DNAH12: variants seen among roughly 807,000 people sequenced by gnomAD.
The protein encoded by DNAH12 is dynein axonemal heavy chain 12.
Under a neutral mutation model 371.5 loss-of-function variants are expected in DNAH12, and 285 were observed. The ratio of observed to expected loss-of-function variants is 0.77; its 90% CI spans 0.70 to 0.85. DNAH12 has a LOEUF of 0.85. DNAH12 is among the 40% of genes least tolerant of loss of function. The probability of loss-of-function intolerance (pLI) is 0.00; values close to 1 mark genes in which losing one functional copy is unlikely to be tolerated. For synonymous variants in DNAH12, 1,200 were observed against 1,213.0 expected, an observed-to-expected ratio of 0.99 and a Z score of 0.22; for missense variants, 3,611 against 3,689.4, an observed-to-expected ratio of 0.98 and a Z score of 0.55.
intron 55 of DNAH12, among the ~76,000 whole-genome samples, chr3:57,374,622 T>C (rs1365222274): frequency 3.3e-5 from 5 of 152,100 alleles, no homozygotes; most frequent in Non-Finnish European, 5.9e-5. Context: ...ACAAGTACAT[T>C]GTATAGCCAG....
At chr3:57,523,723 A>G in intron 3 of DNAH12, 80 bp downstream of exon 3, 1 of 1,334,062 alleles carries the variant, frequency 7.5e-7, no homozygotes, top group Non-Finnish European at 1.0e-6. Flanking sequence ...TTTTAAAAAC[A>G]TCAGTTATAT....
At chr3:57,324,661 T>C (rs962943204) in intron 62 of DNAH12, among the ~76,000 whole-genome samples, 3 of 152,166 alleles carry the variant, frequency 2.0e-5, no homozygotes, top group Admixed American at 6.5e-5. Context: ...AGGGGTGATT[T>C]CTGCATTTCC....
chr3:57,501,370 T>G lies in DNAH12; in HGVS notation c.1286A>C (p.Asn429Thr). 1 of 1,596,538 alleles carries G rather than the reference T, an allele frequency of 6.3e-7. No individual in the cohort carries two copies. The highest frequency in any genetic ancestry group is 8.5e-7 in the Non-Finnish European group (1 of 1,175,358). The change falls in exon 11 of 74, where the codon AAT becomes ACT. Residue 429 changes from asparagine (N) to threonine (T), a missense_variant. Physicochemically the swap from Asn to Thr is moderately conservative, Grantham distance 65. Coordinates refer to ENST00000495027, the MANE Select transcript of DNAH12 (RefSeq NM_001366028.2). ...ATCTTCTGTCTGAAAAGTCTCTATA[T>G]TCTCAACTGCAGTCCCATCAAGGAG... The part of the protein sequence containing the change: ...NWLLDGTAVE[N>T]IETFQTEDHT...
intron 43 of DNAH12, among the ~76,000 whole-genome samples, chr3:57,400,129 A>T (rs2063826810): frequency 6.6e-6 from 1 of 152,196 alleles, no homozygotes; most frequent in Non-Finnish European, 1.5e-5. Flanking sequence ...CTCTACAAAA[A>T]ATACAAAAAT....
intron 16 of DNAH12, among the ~76,000 whole-genome samples, chr3:57,469,463 C>T (rs2066303802): frequency 6.6e-6 from 1 of 152,262 alleles, no homozygotes; most frequent in East Asian, 1.9e-4. Context: ...CCATTTGACC[C>T]AGCAATCCCA....
chr3:57,304,007 T>A (rs1383873529), intron 69 of DNAH12, among the ~76,000 whole-genome samples: 1 of 152,090 alleles, frequency 6.6e-6, no homozygotes, highest in Non-Finnish European at 1.5e-5. Context: ...TGAAATTCCT[T>A]TTCCTGGCTC....
chr3:57,420,957 TACC>T (rs2064560223), intron 36 of DNAH12, among the ~76,000 whole-genome samples: 1 of 151,810 alleles, frequency 6.6e-6, no homozygotes, highest in African/African-American at 2.4e-5. Flanking sequence ...ATGCTTGTGT[TACC>T]ACCTCTTTTT....
rs782540974 is a variant in DNAH12, at chr3:57,413,698, A to G, written c.6020+48T>C. Reference sequence around the variant, plus strand: ...TTATTTTACTTTAAAAACCTAAAATAAAAACTGAGGTATAACTTCAGCATA... The same window carrying G: ...TTATTTTACTTTAAAAACCTAAAATGAAAACTGAGGTATAACTTCAGCATA... On this transcript the variant is annotated intron_variant, in intron 39 of 73. Coordinates refer to ENST00000495027, the MANE Select transcript of DNAH12 (RefSeq NM_001366028.2). 6.0e-6 allele frequency: 9 copies of G among 1,499,784 alleles called. No homozygotes were observed. In the African/African-American group the frequency reaches 7.1e-5, roughly 12 times the overall value. 92.9% of individuals were successfully genotyped at this position (1,499,784 alleles called of 1,614,324 possible).
intron 39 of DNAH12, among the ~76,000 whole-genome samples, chr3:57,410,539 C>G (rs1171208414): frequency 2.6e-5 from 4 of 152,092 alleles, no homozygotes; most frequent in African/African-American, 9.7e-5. Context: ...ATCCTCCAGG[C>G]CGGGTGTGGT....
At chr3:57,415,916 G>A (rs2064361451) in intron 37 of DNAH12, among the ~76,000 whole-genome samples, 1 of 151,080 alleles carries the variant, frequency 6.6e-6, no homozygotes, top group South Asian at 2.1e-4. Flanking sequence ...AGCCTCCCAA[G>A]TAGCTGGGAC....
At chr3:57,502,812 TG>T (rs2067603287) in intron 9 of DNAH12, among the ~76,000 whole-genome samples, 1 of 152,188 alleles carries the variant, frequency 6.6e-6, no homozygotes, top group East Asian at 1.9e-4. Flanking sequence ...CCCAAAGTCC[TG>T]GGATTACAGG....
At chr3:57,403,943 T>G (rs1461670993) in intron 42 of DNAH12, among the ~76,000 whole-genome samples, 1 of 152,172 alleles carries the variant, frequency 6.6e-6, no homozygotes. Context: ...TTCACTCTCC[T>G]TAGACTAGAA....
chr3:57,416,251 A>T (rs2064372531), intron 37 of DNAH12, among the ~76,000 whole-genome samples: 1 of 151,852 alleles, frequency 6.6e-6, no homozygotes. Context: ...CACCAGGCTA[A>T]TTTTTTTACT....
At chr3:57,428,292 A>G (rs1014354414) in intron 34 of DNAH12, 12 of 972,266 alleles carry the variant, frequency 1.2e-5, no homozygotes, top group Non-Finnish European at 1.7e-5. Context: ...TACAATATGT[A>G]AAGTTTTCTC....
chr3:57,302,565 G>GTTTTTTT (rs1407756841), intron 69 of DNAH12, among the ~76,000 whole-genome samples: 2 of 28,852 alleles, frequency 6.9e-5, no homozygotes, highest in Non-Finnish European at 1.2e-4. Context: ...ATATATATAT[G>GTTTTTTT]TATTTTTTTT....
intron 2 of DNAH12, among the ~76,000 whole-genome samples, chr3:57,534,257 C>G (rs1200241049): frequency 6.6e-6 from 1 of 152,138 alleles, no homozygotes; most frequent in Non-Finnish European, 1.5e-5. Context: ...TTGGTATCAG[C>G]AATTCAAGAC....
Position 57,457,924 on chromosome 3 carries a change from T to C in DNAH12, c.3133A>G (p.Lys1045Glu). The change falls in exon 22 of 74, where the codon AAA (lysine) becomes GAA (glutamate). Residue 1045 changes from lysine (K) to glutamate (E), a missense_variant. Physicochemically the swap from Lys to Glu is moderately conservative, Grantham distance 56. Transcript: ENST00000495027. The part of the protein sequence containing the change: ...KDPLRVQPHL[K>E]KCFEGIAKLE... ...TTAGCAATGCCCTCAAAGCATTTTT[T>C]TAAATGTGGCTGAACTCTAAGTGGA... 6.4e-7 allele frequency: 1 copy of C among 1,551,696 alleles called. No individual in the cohort carries two copies. Among genetic ancestry groups the C allele is most frequent in the Middle Eastern group, 1.7e-4 (1 of 5,992 alleles).
chr3:57,390,424 A>AAAAAAAAAAAAAATATATAT, intron 45 of DNAH12, among the ~76,000 whole-genome samples: 4 of 33,438 alleles, frequency 1.2e-4, no homozygotes, highest in African/African-American at 2.5e-4. Context: ...AAAAAAAAAA[A>AAAAAAAAAAAAAATATATAT]ATATATATAT....
chr3:57,542,434 T>C (rs1410900530), intron 2 of DNAH12, among the ~76,000 whole-genome samples: 2 of 152,206 alleles, frequency 1.3e-5, no homozygotes, highest in South Asian at 4.1e-4. Context: ...TATACCTCAG[T>C]ATACTCATCT....
Sources: gnomAD v4.1 joint callset for allele counts (sites outside exome capture counted in the v4.1 genomes callset) on GRCh38, gnomAD v4.1.1 for gene constraint, MANE v1.5 for transcripts, NCBI Gene and HGNC (gene_info 2026-07-23, HGNC 2026-07-21) for gene names.